The following HAUS6 variants were observed in gnomAD, a reference collection of about 807,000 sequenced individuals.
HAUS6 encodes HAUS augmin-like complex subunit 6.
In HAUS6, 80 loss-of-function variants were observed where a neutral mutation model predicts 106.8. The ratio of observed to expected loss-of-function variants is 0.75; its 90% CI spans 0.63 to 0.90. The LOEUF is 0.90. Among genes scored for constraint, HAUS6 ranks in the 40% least tolerant of loss-of-function variants. The pLI, the probability that HAUS6 is intolerant of heterozygous loss-of-function variation, is 0.00. For missense variants in HAUS6, 1,155 were observed against 1,118.1 expected (o/e 1.03, Z -0.47); for synonymous variants, 356 against 379.1 (o/e 0.94, Z 0.71).
intron 11 of HAUS6, among the ~76,000 whole-genome samples, chr9:19,073,611 A>G (rs1052605326): frequency 2.7e-5 from 4 of 150,810 alleles, no homozygotes; most frequent in Non-Finnish European, 5.9e-5. Context: ...ACACAACACA[A>G]CCCTAAGAGC....
chr9:19,092,044 T>C (rs1381931179), intron 4 of HAUS6, among the ~76,000 whole-genome samples: 1 of 151,988 alleles, frequency 6.6e-6, no homozygotes, highest in Non-Finnish European at 1.5e-5. Context: ...GAAATACAAA[T>C]TAAAACTATA....
chr9:19,085,683 A>C (rs1201652679), intron 7 of HAUS6, among the ~76,000 whole-genome samples: 1 of 151,874 alleles, frequency 6.6e-6, no homozygotes, highest in East Asian at 1.9e-4. Flanking sequence ...TGGAGGCCTC[A>C]GATCATTTTC....
intron 13 of HAUS6, 117 bp downstream of exon 13, chr9:19,063,397 C>T: frequency 1.5e-6 from 1 of 663,476 alleles, no homozygotes; most frequent in Non-Finnish European, 2.5e-6. Flanking sequence ...ACAAAATGTA[C>T]AAATAGTAGA....
chr9:19,086,224 T>C (rs942941667), intron 7 of HAUS6, among the ~76,000 whole-genome samples: 5 of 151,770 alleles, frequency 3.3e-5, no homozygotes, highest in South Asian at 2.1e-4. Context: ...GGCAGGAGAA[T>C]TGCTTGAACC....
chr9:19,064,677 G>C (rs1836721150), intron 12 of HAUS6, among the ~76,000 whole-genome samples: 2 of 152,138 alleles, frequency 1.3e-5, no homozygotes, highest in Admixed American at 6.5e-5. Context: ...AAAATTAATA[G>C]CACTGCAAAT....
chr9:19,083,429 C>T (rs1336324171), intron 7 of HAUS6, among the ~76,000 whole-genome samples: 2 of 152,092 alleles, frequency 1.3e-5, no homozygotes, highest in African/African-American at 2.4e-5. Context: ...AAATCTTATA[C>T]AAGATACAAT....
At chr9:19,081,127 T>A (rs963883402) in intron 8 of HAUS6, among the ~76,000 whole-genome samples, 1 of 151,540 alleles carries the variant, frequency 6.6e-6, no homozygotes, top group African/African-American at 2.4e-5. Context: ...CCCCCAAACA[T>A]AAAATGACGT....
intron 9 of HAUS6, among the ~76,000 whole-genome samples, chr9:19,079,083 G>C (rs1837076032): frequency 1.4e-5 from 2 of 145,024 alleles, no homozygotes; most frequent in Non-Finnish European, 3.0e-5. Flanking sequence ...AGAATCACTT[G>C]AAATCAGGAG....
chr9:19,085,644 A>G (rs1359606757), intron 7 of HAUS6, among the ~76,000 whole-genome samples: 1 of 152,012 alleles, frequency 6.6e-6, no homozygotes, highest in South Asian at 2.1e-4. Flanking sequence ...AACCTAAGAA[A>G]ATACTTAACT....
chr9:19,073,486 C>T (rs1313103438), intron 11 of HAUS6, among the ~76,000 whole-genome samples: 5 of 151,344 alleles, frequency 3.3e-5, no homozygotes, highest in African/African-American at 1.2e-4. Context: ...ACACATTTTC[C>T]CTCAGTATAA....
chr9:19,070,841 G>A (rs1836868857), intron 11 of HAUS6, among the ~76,000 whole-genome samples: 1 of 152,218 alleles, frequency 6.6e-6, no homozygotes, highest in Non-Finnish European at 1.5e-5. Flanking sequence ...TATTATGACA[G>A]AAGTATATAC....
At chr9:19,092,190 C>T (rs1303840582) in intron 4 of HAUS6, among the ~76,000 whole-genome samples, 1 of 151,476 alleles carries the variant, frequency 6.6e-6, no homozygotes, top group Non-Finnish European at 1.5e-5. Flanking sequence ...GGCACGGTGG[C>T]TTATGCATGT....
chr9:19,076,780 T>C (rs1378969598), intron 10 of HAUS6, 76 bp from the exon 11 acceptor site: 11 of 695,540 alleles, frequency 1.6e-5, no homozygotes, highest in Non-Finnish European at 2.3e-5. Flanking sequence ...AGTTAATCTA[T>C]GAATAGATTA....
chr9:19,095,472 T>C (rs1817842106), intron 2 of HAUS6, among the ~76,000 whole-genome samples: 1 of 149,760 alleles, frequency 6.7e-6, no homozygotes, highest in Non-Finnish European at 1.5e-5. Flanking sequence ...TTTTCTGAAT[T>C]ACTTAAAATG....
intron 12 of HAUS6, chr9:19,065,155 A>T (rs892071315): frequency 6.6e-6 from 1 of 152,220 alleles, no homozygotes; most frequent in African/African-American, 2.4e-5. Flanking sequence ...AGAACAATGG[A>T]AACATTCTGT....
In HAUS6 at chr9:19,060,131, G is replaced by A. The variant is rs1430008558; in HGVS notation, c.1722C>T (p.Pro574=). 3.7e-6 allele frequency: 6 copies of A among 1,606,698 alleles called. No individual in the cohort carries two copies. The African/African-American group carries it at 6.7e-5, about 18-fold the overall frequency. Residue 574 remains proline (P), a synonymous_variant, in exon 15 of 17, where the codon CCC becomes CCT. Transcript: ENST00000380502. ...GGGGAATCTGATTCCTTGTTAAGAA[G>A]GGGTTAGAACCCAGAGAGTCAATTA... ...EELIDSLGSN[P]FLTRNQIPRT...
chr9:19,066,811 T>C lies in HAUS6; in HGVS notation c.1377-3231A>G, dbSNP rs140511602. Among the ~76,000 whole-genome samples the C allele has an allele frequency of 5.5e-3, 687 of 124,176 alleles. 4 individuals are homozygous for C. The highest frequency in any genetic ancestry group is 0.021 in the African/African-American group (658 of 30,750). The allele number at this position is 124,176 out of a possible 152,430, so 81.5% of individuals were successfully genotyped here. A position where few individuals can be genotyped will look rare whatever the true frequency, so the allele number is the denominator to read the frequency against. On this transcript the variant is annotated intron_variant, in intron 12 of 16. Coordinates refer to ENST00000380502, the MANE Select transcript of HAUS6 (RefSeq NM_017645.5). ...AAGTTTGAGACCAGCCTGGGCAACA[T>C]AGTGAGACCTCATCTCTACAAAAAA...
Position 19,068,805 on chromosome 9 carries a change from C to T in HAUS6, c.1376+1414G>A, listed in dbSNP as rs538370664. Among the ~76,000 whole-genome samples, 38 of 151,358 alleles carry T rather than the reference C, an allele frequency of 2.5e-4. No individual in the cohort carries two copies. In the South Asian group the frequency reaches 7.1e-3, roughly 28 times the overall value. On this transcript the variant is annotated intron_variant, in intron 12 of 16. Coordinates refer to ENST00000380502, the MANE Select transcript of HAUS6 (RefSeq NM_017645.5). ...ATGAAGAACTAATATGTTCCCCAAT[C>T]GGATTACATACATTTAGTTCACAGA...
chr9:19,096,588 A>AAAAAC (rs1817868032), intron 2 of HAUS6, 86 bp downstream of exon 2: 1 of 508,732 alleles, frequency 2.0e-6, no homozygotes, highest in African/African-American at 2.1e-5. Flanking sequence ...AAAAAAAAAA[A>AAAAAC]AGGAGAGAAT....
Sources: gnomAD v4.1 joint callset for allele counts (sites outside exome capture counted in the v4.1 genomes callset) on GRCh38, gnomAD v4.1.1 for gene constraint, MANE v1.5 for transcripts, NCBI Gene and HGNC (gene_info 2026-07-23, HGNC 2026-07-21) for gene names.